The following NINL variants were observed in gnomAD, a reference collection of about 807,000 sequenced individuals.
NINL encodes the protein ninein-like protein.
Under a neutral mutation model 160.3 loss-of-function variants are expected in NINL, and 153 were observed. The ratio of observed to expected loss-of-function variants is 0.95; its 90% confidence interval spans 0.84 to 1.09. The LOEUF is 1.09. NINL is among the 50% of genes least tolerant of loss of function. The pLI, the probability that NINL is intolerant of heterozygous loss-of-function variation, is 0.00. For missense variants in NINL, 1,829 were observed against 1,764.0 expected, an observed-to-expected ratio of 1.04 and a Z score of -0.66; for synonymous variants, 800 against 734.8, an observed-to-expected ratio of 1.09 and a Z score of -1.43.
rs1319346143 is a variant in NINL at position 25,455,791 on chromosome 20, C to T, written c.3844-5G>A. The T allele has an allele frequency of 6.2e-7, 1 of 1,613,192 alleles. No individual in the cohort carries two copies. The highest frequency in any genetic ancestry group is 8.5e-7 in the Non-Finnish European group (1 of 1,179,282). Reference sequence around the variant, plus strand: ...CAGCTGTTTCTCATGTTCTTCCTGCCATAAAAGAAGGTTGCAGGTGGCCGG... The same window carrying T: ...CAGCTGTTTCTCATGTTCTTCCTGCTATAAAAGAAGGTTGCAGGTGGCCGG... On this transcript the variant is annotated splice_polypyrimidine_tract_variant and splice_region_variant and intron_variant, in intron 22 of 23. Transcript: ENST00000278886.
Position 25,533,313 on chromosome 20 carries a change from T to C in NINL, c.-11-6715A>G, listed in dbSNP as rs539860000. 1.1e-4 allele frequency among the ~76,000 whole-genome samples: 16 copies of C among 150,360 alleles called. No individual in the cohort carries two copies. In the East Asian group the frequency reaches 1.8e-3, roughly 17 times the overall value. On this transcript the variant is annotated intron_variant, in intron 1 of 23. Coordinates refer to ENST00000278886, the MANE Select transcript of NINL (RefSeq NM_025176.6). ...ACACACACACGCGCACACAGAAAAA[T>C]TGCACTACCCAGAGAAGGAAAGAGG...
intron 23 of NINL, among the ~76,000 whole-genome samples, chr20:25,454,540 G>A: frequency 6.6e-6 from 1 of 152,174 alleles, no homozygotes; most frequent in East Asian, 1.9e-4. Flanking sequence ...GGAGGGACTG[G>A]GAACCTTCCA....
At chr20:25,517,181 T>A (rs141895100) in intron 3 of NINL, among the ~76,000 whole-genome samples, 117 of 152,126 alleles carry the variant, frequency 7.7e-4, no homozygotes, top group African/African-American at 2.8e-3. Context: ...GACCAGGACA[T>A]CCTGCTGTGA....
At chr20:25,547,557 T>C (rs1019501498) in intron 1 of NINL, among the ~76,000 whole-genome samples, 1 of 152,126 alleles carries the variant, frequency 6.6e-6, no homozygotes, top group Non-Finnish European at 1.5e-5. Flanking sequence ...CCAGGTAGTG[T>C]AGAACTGGGT....
chr20:25,572,012 T>C (rs2065059755), intron 1 of NINL, among the ~76,000 whole-genome samples: 2 of 151,796 alleles, frequency 1.3e-5, no homozygotes, highest in South Asian at 2.1e-4. Context: ...CAGACACCTG[T>C]CTATAAAAAC....
intron 8 of NINL, 137 bp downstream of exon 8, chr20:25,500,703 T>G (rs949416332): frequency 4.4e-5 from 33 of 754,150 alleles, no homozygotes; most frequent in Non-Finnish European, 6.6e-5. Context: ...CTACCTGGAC[T>G]TCCTTGCATG....
chr20:25,564,625 G>T (rs1010583741), intron 1 of NINL, among the ~76,000 whole-genome samples: 3 of 151,410 alleles, frequency 2.0e-5, no homozygotes, highest in African/African-American at 7.3e-5. Flanking sequence ...GCCAATTTTT[G>T]TATTTTTAGT....
intron 1 of NINL, among the ~76,000 whole-genome samples, chr20:25,574,586 C>A (rs2065093788): frequency 6.6e-6 from 1 of 152,200 alleles, no homozygotes; most frequent in Non-Finnish European, 1.5e-5. Flanking sequence ...GTGTCCACAT[C>A]TCCCCTCCTA....
intron 1 of NINL, among the ~76,000 whole-genome samples, chr20:25,563,782 A>G (rs1249721692): frequency 6.6e-6 from 1 of 152,210 alleles, no homozygotes; most frequent in African/African-American, 2.4e-5. Context: ...GAAATAAAGC[A>G]GGACATTAAA....
intron 2 of NINL, among the ~76,000 whole-genome samples, chr20:25,518,147 C>T (rs944966438): frequency 6.6e-6 from 1 of 152,290 alleles, no homozygotes; most frequent in East Asian, 1.9e-4. Context: ...ATAAGGTGAA[C>T]GCCCATGGCA....
intron 1 of NINL, among the ~76,000 whole-genome samples, chr20:25,562,182 C>T (rs2064951289): frequency 6.9e-6 from 1 of 144,196 alleles, no homozygotes; most frequent in African/African-American, 2.6e-5. Flanking sequence ...GGGGGGTCAG[C>T]CCCCTGCCCG....
At chr20:25,483,250 C>T (rs879777849) in intron 13 of NINL, among the ~76,000 whole-genome samples, 38 of 151,898 alleles carry the variant, frequency 2.5e-4, no homozygotes, top group Non-Finnish European at 4.4e-4. Flanking sequence ...AGGAGAATCG[C>T]TTGAACCCAG....
At chr20:25,528,326 C>T (rs1333397564) in intron 1 of NINL, among the ~76,000 whole-genome samples, 1 of 152,204 alleles carries the variant, frequency 6.6e-6, no homozygotes, top group Non-Finnish European at 1.5e-5. Flanking sequence ...TAAGCCACTG[C>T]ACCCAGCCAA....
rs1287741000 is a variant in NINL, at chr20:25,505,071, C to A, written c.525G>T (p.Leu175=). The change falls in exon 6 of 24, where the codon CTG becomes CTT. Residue 175 remains leucine, a synonymous_variant. Transcript: ENST00000278886. ...QNELFEAQGQ[L]QTWDSEDFGS... is the part of the protein sequence containing the mutation. ...CAAAGTCCTCAGAATCCCAGGTCTGCAGCTGTCCTGAAGCAAGGGAGGAGT... is the reference window on the plus strand; with the variant it reads ...CAAAGTCCTCAGAATCCCAGGTCTGAAGCTGTCCTGAAGCAAGGGAGGAGT... 1 of 1,589,394 alleles carries A rather than the reference C, an allele frequency of 6.3e-7. No homozygotes were observed. Among genetic ancestry groups the A allele is most frequent in the South Asian group, 1.2e-5 (1 of 86,826 alleles).
intron 4 of NINL, among the ~76,000 whole-genome samples, 183 bp from the exon 5 acceptor site, chr20:25,510,923 G>C (rs1308643509): frequency 6.6e-6 from 1 of 152,210 alleles, no homozygotes; most frequent in Non-Finnish European, 1.5e-5. Context: ...GCAGACCCAG[G>C]TGAGCCCCGC....
chr20:25,484,472 G>T lies in NINL; in HGVS notation c.1678-2372C>A, dbSNP rs542590578. 2.9e-3 allele frequency among the ~76,000 whole-genome samples: 442 copies of T among 152,316 alleles called. 3 individuals carry two copies. Among genetic ancestry groups the T allele is most frequent in the Non-Finnish European group, 3.6e-3 (244 of 68,026 alleles). ...CTGGGGCATCTCATTATGCCAGCAA[G>T]TGTGGAAACATTTGACAAAACAAGG... On this transcript the variant is annotated intron_variant, in intron 13 of 23. Transcript: ENST00000278886.
At chr20:25,528,831 C>T (rs140718987) in intron 1 of NINL, among the ~76,000 whole-genome samples, 1 of 152,278 alleles carries the variant, frequency 6.6e-6, no homozygotes, top group African/African-American at 2.4e-5. Context: ...GAAACAACAA[C>T]ATGAAAAGTC....
intron 2 of NINL, among the ~76,000 whole-genome samples, chr20:25,519,429 A>T (rs1387152847): frequency 1.3e-5 from 2 of 152,238 alleles, no homozygotes; most frequent in African/African-American, 4.8e-5. Context: ...ATAATTTTCC[A>T]ACTATTTAAA....
intron 14 of NINL, among the ~76,000 whole-genome samples, chr20:25,481,042 G>A (rs2063377371): frequency 6.6e-6 from 1 of 152,196 alleles, no homozygotes; most frequent in Non-Finnish European, 1.5e-5. Flanking sequence ...AGGGGTCCCA[G>A]GAGGTCAGTC....
Sources: allele counts gnomAD v4.1 joint callset (sites outside exome capture counted in the v4.1 genomes callset), GRCh38; gene constraint gnomAD v4.1.1; transcripts MANE v1.5; gene names NCBI Gene and HGNC (gene_info 2026-07-23, HGNC 2026-07-21).